The following CIRSR variants were observed in gnomAD, a reference collection of about 807,000 sequenced individuals.
CIRSR encodes corepressor of RBPJ and splicing regulator.
chr2:174,353,605 T>C, the CIRSR span, among the ~76,000 whole-genome samples: 7,453 of 152,140 alleles, frequency 0.049, 209 homozygotes, highest in Middle Eastern at 0.14. Flanking sequence ...GTAGCTGGGA[T>C]TACAGGCAAC....
the CIRSR span, among the ~76,000 whole-genome samples, chr2:174,377,176 G>C: frequency 2.0e-5 from 3 of 152,122 alleles, no homozygotes; most frequent in Non-Finnish European, 4.4e-5. Flanking sequence ...GAAAAGATAA[G>C]ATGCAACCCT....
chr2:174,348,592 C>A, the CIRSR span: 1 of 1,614,124 alleles, frequency 6.2e-7, no homozygotes, highest in Non-Finnish European at 8.5e-7. Flanking sequence ...CTTCTGCTGT[C>A]ATTTCTTCTG....
At chr2:174,348,128 T>G in the CIRSR span, 1 of 171,382 alleles carries the variant, frequency 5.8e-6, no homozygotes, top group African/African-American at 2.4e-5. Flanking sequence ...AAATTTGAAT[T>G]GAAAAAAGTA....
the CIRSR span, among the ~76,000 whole-genome samples, chr2:174,388,752 T>C: frequency 6.6e-6 from 1 of 152,176 alleles, no homozygotes; most frequent in East Asian, 1.9e-4. Context: ...AGATCTGATA[T>C]GGTTTGGCTG....
At chr2:174,354,664 T>TATATATTATATATTTTTATATATTATATA in the CIRSR span, among the ~76,000 whole-genome samples, 1 of 91,978 alleles carries the variant, frequency 1.1e-5, no homozygotes, top group African/African-American at 4.4e-5. Flanking sequence ...TATTATATAA[T>TATATATTATATATTTTTATATATTATATA]ATATATTATA....
At chr2:174,374,433 G>A in the CIRSR span, among the ~76,000 whole-genome samples, 2 of 152,170 alleles carry the variant, frequency 1.3e-5, no homozygotes, top group Non-Finnish European at 2.9e-5. Flanking sequence ...TTGTAAATCA[G>A]GGGTTGTGCC....
chr2:174,392,609 G>C, the CIRSR span, among the ~76,000 whole-genome samples: 1 of 152,256 alleles, frequency 6.6e-6, no homozygotes, highest in Admixed American at 6.5e-5. Flanking sequence ...ATGGATTCAA[G>C]AGATATTTGG....
chr2:174,354,139 A>G, the CIRSR span, among the ~76,000 whole-genome samples: 1 of 151,802 alleles, frequency 6.6e-6, no homozygotes, highest in Non-Finnish European at 1.5e-5. Flanking sequence ...TATACAGACT[A>G]TTAAACAATC....
At chr2:174,388,113 A>C in the CIRSR span, among the ~76,000 whole-genome samples, 1 of 152,242 alleles carries the variant, frequency 6.6e-6, no homozygotes, top group East Asian at 1.9e-4. Context: ...AGCTGGATAA[A>C]CTTGGCTGAA....
At chr2:174,381,132 T>C in the CIRSR span, among the ~76,000 whole-genome samples, 1 of 152,314 alleles carries the variant, frequency 6.6e-6, no homozygotes, top group South Asian at 2.1e-4. Flanking sequence ...TGCAAATTAT[T>C]AAAGAATAAG....
the CIRSR span, among the ~76,000 whole-genome samples, chr2:174,369,024 T>G: frequency 6.6e-6 from 1 of 152,356 alleles, no homozygotes; most frequent in African/African-American, 2.4e-5. Flanking sequence ...GCTTGTCCTT[T>G]GAAGCTCTGA....
At chr2:174,373,524 TATAAAA>T in the CIRSR span, among the ~76,000 whole-genome samples, 1 of 152,224 alleles carries the variant, frequency 6.6e-6, no homozygotes, top group African/African-American at 2.4e-5. Flanking sequence ...CACATTTTAA[TATAAAA>T]ATAAAATTAC....
At chr2:174,380,421 A>G in the CIRSR span, among the ~76,000 whole-genome samples, 1 of 152,186 alleles carries the variant, frequency 6.6e-6, no homozygotes, top group Non-Finnish European at 1.5e-5. Flanking sequence ...CCATTTAGTT[A>G]TTATGTGTCT....
the CIRSR span, among the ~76,000 whole-genome samples, chr2:174,383,992 AACCT>A: frequency 6.6e-6 from 1 of 152,172 alleles, no homozygotes; most frequent in Admixed American, 6.5e-5. Context: ...GCTAAATATA[AACCT>A]ACCATGTGAT....
the CIRSR span, chr2:174,348,798 CTCCA>C: frequency 6.2e-7 from 1 of 1,614,168 alleles, no homozygotes; most frequent in Non-Finnish European, 8.5e-7. Context: ...ATCAGAATGG[CTCCA>C]TTTGCTGTCC....
chr2:174,394,548 A>T, the CIRSR span, among the ~76,000 whole-genome samples: 1 of 152,216 alleles, frequency 6.6e-6, no homozygotes, highest in African/African-American at 2.4e-5. Context: ...TTATAAAATG[A>T]GGAGATGGGG....
At chr2:174,369,900 A>C in the CIRSR span, 1 of 1,296,854 alleles carries the variant, frequency 7.7e-7, no homozygotes, top group Non-Finnish European at 1.0e-6. Context: ...AATTATTGCA[A>C]TAATTACCAA....
chr2:174,355,183 A>G, the CIRSR span, among the ~76,000 whole-genome samples: 1 of 152,204 alleles, frequency 6.6e-6, no homozygotes, highest in African/African-American at 2.4e-5. Flanking sequence ...TTGAGAACTC[A>G]AAATTTGGTT....
the CIRSR span, chr2:174,380,626 G>A: frequency 6.3e-7 from 1 of 1,594,412 alleles, no homozygotes; most frequent in Non-Finnish European, 8.6e-7. Context: ...TACATATCTT[G>A]TCTTAAAAGT....
Sources: gnomAD v4.1 joint callset for allele counts (sites outside exome capture counted in the v4.1 genomes callset) on GRCh38, gnomAD v4.1.1 for gene constraint, MANE v1.5 for transcripts, NCBI Gene and HGNC (gene_info 2026-07-23, HGNC 2026-07-21) for gene names.